The following RB1 variants were observed in gnomAD, a reference collection of about 807,000 sequenced individuals.
The protein encoded by RB1 is RB transcriptional corepressor 1.
In RB1, 18 loss-of-function variants were observed where a neutral mutation model predicts 135.4. The observed-to-expected ratio is 0.13, with a 90% CI of 0.09 to 0.20. The LOEUF (loss-of-function observed/expected upper bound fraction) is 0.20. Among genes scored for constraint, RB1 ranks in the 10% least tolerant of loss-of-function variants. RB1 has a pLI of 1.00. For synonymous variants in RB1, 365 were observed against 373.2 expected (o/e 0.98, Z 0.25); for missense variants, 868 against 1,110.0 (o/e 0.78, Z 3.10).
intron 18 of RB1, among the ~76,000 whole-genome samples, chr13:48,453,936 G>A (rs946698836): frequency 3.1e-4 from 47 of 152,306 alleles, no homozygotes; most frequent in African/African-American, 1.0e-3. Context: ...AGGAAAGGCA[G>A]TTTCTTGCAT....
At chr13:48,357,450 T>A (rs1952602855) in intron 6 of RB1, among the ~76,000 whole-genome samples, 1 of 152,114 alleles carries the variant, frequency 6.6e-6, no homozygotes, top group Admixed American at 6.6e-5. Context: ...TATGATACAT[T>A]TTTATTGAAT....
rs763635151 is a variant in RB1, at chr13:48,453,029, G to A, written c.1732G>A (p.Asp578Asn). ...ATTTGATCTTATTAAACAATCAAAG[G>A]ACCGAGAAGGACCAACTGATCACCT... ...PLFDLIKQSK[D>N]REGPTDHLES... The change falls in exon 18 of 27, where the codon GAC becomes AAC. Residue 578 changes from aspartate to asparagine, a missense_variant. Transcript: ENST00000267163. 6.2e-7 allele frequency: 1 copy of A among 1,612,882 alleles called. No homozygotes were observed. The highest frequency in any genetic ancestry group is 8.5e-7 in the Non-Finnish European group (1 of 1,179,588).
chr13:48,331,323 A>G (rs192604066), intron 2 of RB1, among the ~76,000 whole-genome samples: 2 of 152,358 alleles, frequency 1.3e-5, no homozygotes, highest in African/African-American at 4.8e-5. Flanking sequence ...TACAGTTTGA[A>G]TGTTTTCCCC....
chr13:48,340,187 A>T (rs1019652777), intron 2 of RB1, among the ~76,000 whole-genome samples: 4 of 152,184 alleles, frequency 2.6e-5, no homozygotes, highest in African/African-American at 7.2e-5. Flanking sequence ...CTAGAAGATG[A>T]CATAGGAGAA....
intron 24 of RB1, 158 bp from the exon 25 acceptor site, chr13:48,476,543 A>AT: frequency 1.4e-6 from 1 of 718,232 alleles, no homozygotes; most frequent in Non-Finnish European, 2.3e-6. Context: ...TGATTTTTAG[A>AT]TTTTTCATAT....
chr13:48,328,223 C>T, intron 2 of RB1: 3 of 1,446,936 alleles, frequency 2.1e-6, no homozygotes, highest in Non-Finnish European at 2.9e-6. Context: ...TATTCTTCAT[C>T]CTCATCTTTG....
chr13:48,324,302 C>T (rs1177875498), intron 2 of RB1, among the ~76,000 whole-genome samples: 3 of 152,112 alleles, frequency 2.0e-5, no homozygotes, highest in Admixed American at 2.0e-4. Flanking sequence ...CCATAGAACA[C>T]TAGATCTTGT....
In RB1 at chr13:48,464,981, T is replaced by TA. The variant is rs1949429228; in HGVS notation, c.2212-17_2212-16insA. The stretch of plus-strand genomic sequence containing the variant: ...TACTTTTTTTTTTTTTTTTTTTTTT[T>TA]TACTGTTCTTCCTCAGACATTCAAA... On this transcript the variant is annotated splice_polypyrimidine_tract_variant and intron_variant, in intron 21 of 26. Transcript: ENST00000267163. The TA allele has an allele frequency of 6.8e-7, 1 of 1,462,430 alleles. No individual in the cohort carries two copies. Among genetic ancestry groups the TA allele is most frequent in the African/African-American group, 1.6e-5 (1 of 62,490 alleles). The allele number at this position is 1,462,430 out of a possible 1,614,324, so 90.6% of individuals were successfully genotyped here.
In RB1 at chr13:48,318,089, A is replaced by G. The variant is rs1952201527; in HGVS notation, c.264+10683A>G. On this transcript the variant is annotated intron_variant, in intron 2 of 26. Transcript: ENST00000267163. ...ATGGATTCCCTTCAGAGGCGGAGGC[A>G]GAGGCGCATCCCCTCACTCGGAAGG... 1.1e-5 allele frequency: 6 copies of G among 534,416 alleles called. No homozygotes were observed. In the South Asian group the frequency reaches 1.1e-4, roughly 10 times the overall value. 33.1% of individuals were successfully genotyped at this position (534,416 alleles called of 1,614,324 possible).
chr13:48,402,969 A>G (rs1484593351), intron 17 of RB1, among the ~76,000 whole-genome samples: 5 of 152,286 alleles, frequency 3.3e-5, no homozygotes, highest in East Asian at 1.9e-4. Context: ...GTAAAGTACT[A>G]TATATAAAAC....
chr13:48,450,180 T>A (rs1949318027), intron 17 of RB1, among the ~76,000 whole-genome samples: 1 of 152,046 alleles, frequency 6.6e-6, no homozygotes, highest in Admixed American at 6.5e-5. Context: ...GCTTTTGGTG[T>A]TTTCATCATG....
intron 6 of RB1, among the ~76,000 whole-genome samples, chr13:48,358,834 G>T (rs554733123): frequency 1.3e-5 from 2 of 152,218 alleles, no homozygotes; most frequent in African/African-American, 2.4e-5. Flanking sequence ...GAAAGCAAAA[G>T]AATGTACTTG....
intron 17 of RB1, among the ~76,000 whole-genome samples, chr13:48,396,503 G>A (rs529905909): frequency 6.6e-6 from 1 of 152,192 alleles, no homozygotes; most frequent in Non-Finnish European, 1.5e-5. Context: ...AACTCAAAAT[G>A]GATTAAAGAC....
chr13:48,430,582 A>C (rs1193400635), intron 17 of RB1, among the ~76,000 whole-genome samples: 2 of 152,132 alleles, frequency 1.3e-5, no homozygotes, highest in Non-Finnish European at 2.9e-5. Context: ...TCTACTAAAA[A>C]TACAAAAATT....
chr13:48,457,533 C>T (rs1185521723), intron 19 of RB1, among the ~76,000 whole-genome samples: 2 of 152,194 alleles, frequency 1.3e-5, no homozygotes, highest in Non-Finnish European at 2.9e-5. Flanking sequence ...AGCGCCCACC[C>T]CCAGCCTTCA....
intron 6 of RB1, among the ~76,000 whole-genome samples, chr13:48,350,666 C>T (rs960419139): frequency 1.3e-5 from 2 of 152,096 alleles, no homozygotes; most frequent in Non-Finnish European, 2.9e-5. Flanking sequence ...GTACAGCTTA[C>T]TTCATCACCC....
intron 17 of RB1, among the ~76,000 whole-genome samples, chr13:48,409,148 CT>C (rs1330921169): frequency 2.8e-5 from 4 of 143,294 alleles, no homozygotes; most frequent in Non-Finnish European, 6.1e-5. Context: ...TTTTTCTTTT[CT>C]CTTTTTTTTT....
intron 17 of RB1, among the ~76,000 whole-genome samples, chr13:48,414,789 A>C (rs919891806): frequency 5.3e-5 from 8 of 152,228 alleles, no homozygotes; most frequent in African/African-American, 1.9e-4. Flanking sequence ...TGACAAAAAA[A>C]GATGAGTATT....
intron 2 of RB1, among the ~76,000 whole-genome samples, chr13:48,315,586 C>A (rs978645404): frequency 1.3e-5 from 2 of 152,122 alleles, no homozygotes; most frequent in Admixed American, 6.5e-5. Flanking sequence ...GAGAGAGCAT[C>A]CTTATTTTGT....
Sources: gnomAD v4.1 joint callset for allele counts (sites outside exome capture counted in the v4.1 genomes callset) on GRCh38, gnomAD v4.1.1 for gene constraint, MANE v1.5 for transcripts, NCBI Gene and HGNC (gene_info 2026-07-23, HGNC 2026-07-21) for gene names.